PARG: variants seen among roughly 807,000 people sequenced by gnomAD.
The protein encoded by PARG is poly(ADP-ribose) glycohydrolase.
In PARG, 35 loss-of-function variants were observed where a neutral mutation model predicts 113.0. The observed-to-expected ratio is 0.31, with a 90% CI of 0.24 to 0.41. The LOEUF (loss-of-function observed/expected upper bound fraction) is 0.41, where lower values mean the gene tolerates loss of function less well. Ranked by LOEUF, PARG falls within the 10% of genes least tolerant of loss-of-function variation. The probability of loss-of-function intolerance (pLI) is 1.00; values close to 1 mark genes in which losing one functional copy is unlikely to be tolerated. For synonymous variants in PARG, 330 were observed against 409.9 expected (o/e 0.81, Z 2.36); for missense variants, 797 against 1,169.4 (o/e 0.68, Z 4.64).
At position 49,835,499 on chromosome 10, in the gene PARG, G is replaced by A. The variant is rs111284537; in HGVS notation, c.2542-2591C>T. On this transcript the variant is annotated intron_variant, in intron 15 of 17. Coordinates refer to ENST00000616448, the MANE Select transcript of PARG (RefSeq NM_003631.5). ...TTTGATGGGAAGGGAAGAAGACAGCGAACATAAAGGTAATTTGGGAGTCCT... is the reference window on the plus strand; with the variant it reads ...TTTGATGGGAAGGGAAGAAGACAGCAAACATAAAGGTAATTTGGGAGTCCT... 1.0e-3 allele frequency among the ~76,000 whole-genome samples: 159 copies of A among 152,156 alleles called. 1 individual carries two copies. Among genetic ancestry groups the A allele is most frequent in the African/African-American group, 3.7e-3 (154 of 41,500 alleles).
At chr10:49,894,412 T>C (rs531042270) in intron 7 of PARG, among the ~76,000 whole-genome samples, 47 of 152,236 alleles carry the variant, frequency 3.1e-4, no homozygotes, top group Middle Eastern at 6.8e-3. Flanking sequence ...TTTTCTTTTA[T>C]AGCTAAGGTT....
At chr10:49,822,226 G>A (rs538131189) in intron 16 of PARG, among the ~76,000 whole-genome samples, 65 of 149,262 alleles carry the variant, frequency 4.4e-4, no homozygotes, top group Non-Finnish European at 7.9e-4. Context: ...ATGTGTATCT[G>A]TGTGTGTGTG....
intron 7 of PARG, among the ~76,000 whole-genome samples, chr10:49,894,563 A>G (rs1230394589): frequency 2.6e-5 from 4 of 152,154 alleles, no homozygotes; most frequent in African/African-American, 7.2e-5. Flanking sequence ...GTATGTGGGA[A>G]GGGGCAATTT....
chr10:49,920,451 T>TAAA (rs781928566), intron 6 of PARG, among the ~76,000 whole-genome samples: 33 of 39,828 alleles, frequency 8.3e-4, no homozygotes, highest in African/African-American at 2.6e-3. Context: ...AGCCTCAAAT[T>TAAA]AAAAAAAAAA....
chr10:49,826,052 C>T (rs781927409), intron 16 of PARG, among the ~76,000 whole-genome samples: 5 of 152,100 alleles, frequency 3.3e-5, no homozygotes, highest in African/African-American at 1.2e-4. Flanking sequence ...GAGCATCATG[C>T]GCTCAAAAAC....
chr10:49,828,924 T>A (rs10508917), intron 16 of PARG, among the ~76,000 whole-genome samples: 28,943 of 152,038 alleles, frequency 0.19, 3,295 homozygotes, highest in Non-Finnish European at 0.27. Flanking sequence ...TCATGTACAA[T>A]TAAGTAACAA....
intron 7 of PARG, among the ~76,000 whole-genome samples, chr10:49,885,765 T>A (rs1371626884): frequency 6.6e-6 from 1 of 152,196 alleles, no homozygotes; most frequent in South Asian, 2.1e-4. Context: ...GCATACTCTA[T>A]GGGTCAAATC....
At chr10:49,900,651 C>G (rs1348889545) in intron 7 of PARG, among the ~76,000 whole-genome samples, 1 of 152,160 alleles carries the variant, frequency 6.6e-6, no homozygotes, top group Non-Finnish European at 1.5e-5. Context: ...AATAATACAC[C>G]CTCATTATCC....
At chr10:49,830,682 C>T (rs1389211377) in intron 16 of PARG, among the ~76,000 whole-genome samples, 9 of 152,030 alleles carry the variant, frequency 5.9e-5, no homozygotes, top group East Asian at 1.9e-4. Context: ...CCAATAAACA[C>T]GAAAACTGTT....
rs552780688 is a variant in PARG, at chr10:49,832,245, T to G, written c.2647+558A>C. ...AGATGCCTCCTATCTGTGCCATTCA[T>G]GCAGCTCTCCCAGGCTGTGCTCCCA... On this transcript the variant is annotated intron_variant, in intron 16 of 17. Coordinates refer to ENST00000616448, the MANE Select transcript of PARG (RefSeq NM_003631.5). Among the ~76,000 whole-genome samples the G allele has an allele frequency of 2.6e-5, 4 of 152,364 alleles. 1 individual carries two copies. The highest frequency in any genetic ancestry group is 2.6e-4 in the Admixed American group (4 of 15,306).
intron 7 of PARG, among the ~76,000 whole-genome samples, chr10:49,894,634 T>G (rs1847987173): frequency 6.6e-6 from 1 of 152,230 alleles, no homozygotes; most frequent in African/African-American, 2.4e-5. Flanking sequence ...AAGACACTTC[T>G]TTTCCCTTGT....
chr10:49,880,692 A>G (rs188901313), intron 8 of PARG, among the ~76,000 whole-genome samples: 2,182 of 152,222 alleles, frequency 0.014, 48 homozygotes, highest in African/African-American at 0.048. Flanking sequence ...ACACCATGAT[A>G]GGAAGTGTGG....
At chr10:49,846,468 T>C (rs1554833357) in intron 13 of PARG, among the ~76,000 whole-genome samples, 3 of 151,902 alleles carry the variant, frequency 2.0e-5, no homozygotes, top group African/African-American at 4.8e-5. Flanking sequence ...ATTGTATACT[T>C]CAATGTGTGT....
chr10:49,934,883 A>T (rs1471702637), intron 2 of PARG, among the ~76,000 whole-genome samples, 193 bp downstream of exon 2: 1 of 152,100 alleles, frequency 6.6e-6, no homozygotes, highest in East Asian at 1.9e-4. Context: ...TTCCTCTCTC[A>T]TCTTGGTATC....
chr10:49,903,512 G>C (rs1554844138), intron 7 of PARG, among the ~76,000 whole-genome samples: 2 of 151,892 alleles, frequency 1.3e-5, no homozygotes, highest in African/African-American at 4.8e-5. Flanking sequence ...CCATGGGCTA[G>C]AAAATAGTAA....
chr10:49,893,611 G>C (rs1847919842), intron 7 of PARG, among the ~76,000 whole-genome samples: 1 of 152,076 alleles, frequency 6.6e-6, no homozygotes, highest in Admixed American at 6.6e-5. Flanking sequence ...TGACCTCCCA[G>C]GCATCAACCC....
At chr10:49,827,016 C>T (rs1403649428) in intron 16 of PARG, among the ~76,000 whole-genome samples, 2 of 152,242 alleles carry the variant, frequency 1.3e-5, no homozygotes, top group Non-Finnish European at 2.9e-5. Context: ...CTGCTTTTCT[C>T]AGCCACGTCA....
intron 13 of PARG, among the ~76,000 whole-genome samples, chr10:49,854,403 G>C (rs1460209482): frequency 1.3e-5 from 2 of 152,198 alleles, no homozygotes; most frequent in Non-Finnish European, 2.9e-5. Flanking sequence ...ACTTCTTGAG[G>C]TGGTGGCAAA....
chr10:49,923,857 T>A (rs1158600305), intron 4 of PARG, among the ~76,000 whole-genome samples: 1 of 151,822 alleles, frequency 6.6e-6, no homozygotes, highest in African/African-American at 2.4e-5. Context: ...ACAACTCCAG[T>A]AATCACACCG....
Sources: gnomAD v4.1 joint callset for allele counts (sites outside exome capture counted in the v4.1 genomes callset) on GRCh38, gnomAD v4.1.1 for gene constraint, MANE v1.5 for transcripts, NCBI Gene and HGNC (gene_info 2026-07-23, HGNC 2026-07-21) for gene names.